The following MANBA variants were observed in gnomAD, a reference collection of about 807,000 sequenced individuals.
MANBA encodes the protein mannosidase beta, also known as beta-mannosidase.
A neutral mutation model predicts 111.1 loss-of-function variants in MANBA; 83 were observed. The observed-to-expected ratio is 0.75, with a 90% CI of 0.63 to 0.90. The LOEUF is 0.90. MANBA is among the 40% of genes least tolerant of loss of function. The pLI is 0.00. For synonymous variants in MANBA, 370 were observed against 378.7 expected (o/e 0.98, Z 0.27); for missense variants, 1,036 against 1,069.0 (o/e 0.97, Z 0.43).
chr4:102,714,778 G>A (rs1171706997), intron 4 of MANBA, among the ~76,000 whole-genome samples: 1 of 152,182 alleles, frequency 6.6e-6, no homozygotes, highest in Non-Finnish European at 1.5e-5. Flanking sequence ...TCCTCCTGAA[G>A]CCGATCTCCT....
chr4:102,721,018 C>A (rs762557033), intron 4 of MANBA, among the ~76,000 whole-genome samples: 7 of 152,152 alleles, frequency 4.6e-5, no homozygotes, highest in South Asian at 2.1e-4. Flanking sequence ...TCACAATGAG[C>A]CCAATCATTA....
At chr4:102,760,395 G>A (rs1246772517) in intron 1 of MANBA, among the ~76,000 whole-genome samples, 1 of 152,150 alleles carries the variant, frequency 6.6e-6, no homozygotes, top group Non-Finnish European at 1.5e-5. Flanking sequence ...ATGCTTGTCA[G>A]TGACGGCATG....
At chr4:102,655,606 G>A (rs979087485) in intron 12 of MANBA, among the ~76,000 whole-genome samples, 2 of 152,174 alleles carry the variant, frequency 1.3e-5, no homozygotes, top group African/African-American at 4.8e-5. Flanking sequence ...ACATGCAGAA[G>A]AATGAACCTG....
chr4:102,760,238 T>C (rs1473585202), intron 1 of MANBA, among the ~76,000 whole-genome samples: 1 of 152,230 alleles, frequency 6.6e-6, no homozygotes, highest in African/African-American at 2.4e-5. Flanking sequence ...ACAACGTCTG[T>C]GCTGCGTCAA....
At chr4:102,747,424 T>A (rs571388491) in intron 1 of MANBA, among the ~76,000 whole-genome samples, 3 of 152,310 alleles carry the variant, frequency 2.0e-5, no homozygotes, top group East Asian at 3.9e-4. Context: ...ATTGTGCCCA[T>A]CCAGATTAAA....
At chr4:102,749,500 T>C (rs531671505) in intron 1 of MANBA, among the ~76,000 whole-genome samples, 3 of 152,364 alleles carry the variant, frequency 2.0e-5, no homozygotes, top group African/African-American at 7.2e-5. Flanking sequence ...AAAAGTATAT[T>C]GTACTCATGT....
intron 1 of MANBA, among the ~76,000 whole-genome samples, chr4:102,735,274 C>T (rs202081858): frequency 6.6e-6 from 1 of 152,242 alleles, no homozygotes; most frequent in East Asian, 1.9e-4. Context: ...CACAAACTTC[C>T]TGAGCTTCTG....
chr4:102,747,179 G>A (rs1344300587), intron 1 of MANBA, among the ~76,000 whole-genome samples: 2 of 147,490 alleles, frequency 1.4e-5, no homozygotes, highest in Non-Finnish European at 3.0e-5. Flanking sequence ...ATATAAAGGG[G>A]AGTTTACTAA....
intron 7 of MANBA, among the ~76,000 whole-genome samples, chr4:102,680,167 A>T (rs1405652556): frequency 2.6e-5 from 4 of 152,058 alleles, no homozygotes; most frequent in Admixed American, 2.0e-4. Context: ...TTTCTATGTA[A>T]ATGTTGATTT....
At position 102,752,027 on chromosome 4, in the gene MANBA, A is replaced by C. The variant is rs1241586552; in HGVS notation, c.177+8691T>G. The C allele has an allele frequency of 1.7e-5, 13 of 747,030 alleles. No individual in the cohort carries two copies. The African/African-American group carries it at 1.9e-4, about 11-fold the overall frequency. The allele number at this position is 747,030 out of a possible 1,614,324, so 46.3% of individuals were successfully genotyped here. A position where few individuals can be genotyped will look rare whatever the true frequency, so the allele number is the denominator to read the frequency against. On this transcript the variant is annotated intron_variant, in intron 1 of 16. Transcript: ENST00000647097. ...ACTAAATTTTGTAGTGGCTCCTGGG[A>C]TAAGATGCTAAAGATCTGGTCTACA...
intron 2 of MANBA, among the ~76,000 whole-genome samples, chr4:102,725,863 G>T (rs1442055016): frequency 6.6e-6 from 1 of 152,078 alleles, no homozygotes; most frequent in African/African-American, 2.4e-5. Context: ...AAGCACCTTA[G>T]ACATAGACTG....
intron 5 of MANBA, chr4:102,691,034 A>C (rs545411344): frequency 1.3e-5 from 2 of 155,256 alleles, no homozygotes; most frequent in African/African-American, 4.8e-5. Flanking sequence ...AGTCATAAAA[A>C]CTTTATGGAG....
intron 8 of MANBA, 25 bp downstream of exon 8, chr4:102,673,894 C>G (rs1023762287): frequency 1.9e-6 from 3 of 1,594,114 alleles, no homozygotes; most frequent in East Asian, 4.5e-5. Context: ...AAAAGAAGAA[C>G]AAGAAAAGAA....
chr4:102,699,906 T>C (rs918034624), intron 5 of MANBA, among the ~76,000 whole-genome samples: 3 of 151,272 alleles, frequency 2.0e-5, no homozygotes, highest in Admixed American at 6.6e-5. Context: ...TCTTTTTCTA[T>C]TGATTGGAAT....
At chr4:102,681,768 T>C (rs889403951) in intron 7 of MANBA, among the ~76,000 whole-genome samples, 1 of 152,214 alleles carries the variant, frequency 6.6e-6, no homozygotes, top group Non-Finnish European at 1.5e-5. Flanking sequence ...AACAAGCTCA[T>C]ACAATTCCAA....
At chr4:102,695,955 T>A (rs1732688796) in intron 5 of MANBA, among the ~76,000 whole-genome samples, 1 of 152,126 alleles carries the variant, frequency 6.6e-6, no homozygotes, top group Non-Finnish European at 1.5e-5. Context: ...GGGCAGGGTG[T>A]AGTGGCTCGT....
intron 6 of MANBA, among the ~76,000 whole-genome samples, chr4:102,690,340 T>C (rs1446924047): frequency 1.3e-5 from 2 of 152,114 alleles, no homozygotes; most frequent in African/African-American, 4.8e-5. Context: ...TAAAATACAA[T>C]GATAAAAATA....
intron 7 of MANBA, among the ~76,000 whole-genome samples, chr4:102,677,593 TAAAAG>T (rs1731783103): frequency 1.3e-5 from 2 of 152,174 alleles, no homozygotes. Flanking sequence ...TATCATTTGT[TAAAAG>T]AAAACTATCA....
At chr4:102,728,938 A>G (rs1053859307) in intron 1 of MANBA, 2 of 761,342 alleles carry the variant, frequency 2.6e-6, no homozygotes, top group Non-Finnish European at 2.4e-6. Context: ...TGGTCTTTGT[A>G]TGGATACTCA....
Sources: gnomAD v4.1 joint callset for allele counts (sites outside exome capture counted in the v4.1 genomes callset) on GRCh38, gnomAD v4.1.1 for gene constraint, MANE v1.5 for transcripts, NCBI Gene and HGNC (gene_info 2026-07-23, HGNC 2026-07-21) for gene names.